The following RPL26L1 variants were observed in gnomAD, a reference collection of about 807,000 sequenced individuals.
RPL26L1 encodes the protein ribosomal protein uL24-like.
In RPL26L1, 8 loss-of-function variants were observed where a neutral mutation model predicts 15.2. The observed-to-expected ratio is 0.53, with a 90% CI of 0.31 to 0.95. The LOEUF is 0.95. RPL26L1 is among the 40% of genes least tolerant of loss of function. The probability of loss-of-function intolerance (pLI) is 0.05; values close to 1 mark genes in which losing one functional copy is unlikely to be tolerated. For synonymous variants in RPL26L1, 51 were observed against 65.9 expected, an observed-to-expected ratio of 0.77 and a Z score of 1.09; for missense variants, 146 against 190.9, an observed-to-expected ratio of 0.76 and a Z score of 1.39.
At chr5:172,967,100 G>A (rs140055459) in intron 2 of RPL26L1, among the ~76,000 whole-genome samples, 3,583 of 151,678 alleles carry the variant, frequency 0.024, 119 homozygotes, top group African/African-American at 0.081. Flanking sequence ...ATGATCCACC[G>A]GCTTTGGCCT....
intron 2 of RPL26L1, among the ~76,000 whole-genome samples, chr5:172,961,450 T>C (rs1263691772): frequency 1.3e-5 from 2 of 152,200 alleles, no homozygotes; most frequent in African/African-American, 2.4e-5. Flanking sequence ...GTTAGATTCT[T>C]GGATTTTCAA....
chr5:172,959,273 C>A (rs962171898), upstream of RPL26L1: 5 of 579,044 alleles, frequency 8.6e-6, no homozygotes, highest in Non-Finnish European at 1.1e-5. Context: ...CCTACACAAG[C>A]AGGCCCTTGT....
At chr5:172,966,476 A>G (rs1217798746) in intron 2 of RPL26L1, among the ~76,000 whole-genome samples, 5 of 151,974 alleles carry the variant, frequency 3.3e-5, no homozygotes, top group Admixed American at 1.3e-4. Context: ...ATCTTTCTTC[A>G]GTCTTGGCCA....
At chr5:172,965,765 A>G (rs908151545) in intron 2 of RPL26L1, among the ~76,000 whole-genome samples, 9 of 151,674 alleles carry the variant, frequency 5.9e-5, no homozygotes, top group Non-Finnish European at 5.9e-5. Context: ...TTCTCATACC[A>G]TCACTCCTTG....
chr5:172,954,871 AAG>A (rs1365786441), upstream of RPL26L1: 1 of 452,262 alleles, frequency 2.2e-6, no homozygotes, highest in East Asian at 7.0e-5. Flanking sequence ...GGTTTCATAT[AAG>A]AGGATTTCTA....
At chr5:172,957,102 G>A (rs1754998701), upstream of RPL26L1, 1 of 443,072 alleles carries the variant, frequency 2.3e-6, no homozygotes, top group Non-Finnish European at 4.6e-6. Context: ...TGGGTGCCAG[G>A]GCTCAAGCAC....
chr5:172,964,281 C>CCTTTTTTTTTTTTTTTTT lies in RPL26L1; in HGVS notation c.169-4178_169-4177insCTTTTTTTTTTTTTTTTT, dbSNP rs1402885653. Among the ~76,000 whole-genome samples the CCTTTTTTTTTTTTTTTTT allele has an allele frequency of 9.2e-3, 908 of 99,222 alleles. 206 individuals are homozygous for CCTTTTTTTTTTTTTTTTT. Among genetic ancestry groups the CCTTTTTTTTTTTTTTTTT allele is most frequent in the Non-Finnish European group, 0.012 (600 of 49,264 alleles). 65.1% of individuals were successfully genotyped at this position (99,222 alleles called of 152,430 possible). A position where few individuals can be genotyped will look rare whatever the true frequency, so the allele number is the denominator to read the frequency against. On this transcript the variant is annotated intron_variant, in intron 2 of 3. Coordinates refer to ENST00000265100, the MANE Select transcript of RPL26L1 (RefSeq NM_016093.4). Reference sequence around the variant, plus strand: ...TGAGCCACAGTGTCTGGCCTGTTGCCTTTTTTTTTTTTTTTTTTTTTGAGA... The same window carrying CCTTTTTTTTTTTTTTTTT: ...TGAGCCACAGTGTCTGGCCTGTTGCCCTTTTTTTTTTTTTTTTTTTTTTTTTTTTTTTTTTTTTTGAGA...
chr5:172,963,777 T>A (rs1414217698), intron 2 of RPL26L1, among the ~76,000 whole-genome samples: 1 of 152,216 alleles, frequency 6.6e-6, no homozygotes, highest in Non-Finnish European at 1.5e-5. Flanking sequence ...TTTTGGCAAA[T>A]GTAAAACCAA....
chr5:172,958,610 C>T (rs888168418), upstream of RPL26L1: 17 of 334,620 alleles, frequency 5.1e-5, no homozygotes, highest in Non-Finnish European at 9.3e-5. Flanking sequence ...GGTTGATCTC[C>T]CTCACAGCTC....
chr5:172,962,844 T>C (rs1350813366), intron 2 of RPL26L1, among the ~76,000 whole-genome samples: 1 of 151,764 alleles, frequency 6.6e-6, no homozygotes, highest in African/African-American at 2.4e-5. Context: ...AAAAAATCCT[T>C]TGGCAGTTTT....
At chr5:172,955,046 G>A, upstream of RPL26L1, 1 of 456,056 alleles carries the variant, frequency 2.2e-6, no homozygotes, top group Non-Finnish European at 4.4e-6. Flanking sequence ...ACTGGTTGGG[G>A]TGGGTGAAAC....
chr5:172,957,709 TCTGACCTTTA>T (rs2113515360), upstream of RPL26L1: 1 of 174,280 alleles, frequency 5.7e-6, no homozygotes, highest in African/African-American at 2.4e-5. Context: ...AAGAAGAACC[TCTGACCTTTA>T]CTGTGTGTGC....
intron 2 of RPL26L1, 57 bp downstream of exon 2, chr5:172,960,098 C>A: frequency 6.3e-7 from 1 of 1,595,336 alleles, no homozygotes; most frequent in Non-Finnish European, 8.6e-7. Flanking sequence ...GAACGTCATG[C>A]GTGGAGCAGT....
upstream of RPL26L1, chr5:172,955,183 C>G (rs1764330244): frequency 3.0e-6 from 1 of 336,352 alleles, no homozygotes; most frequent in Non-Finnish European, 5.5e-6. Flanking sequence ...GGCTGGAGTG[C>G]AATGGCGCGA....
chr5:172,966,203 G>T (rs1263563769), intron 2 of RPL26L1, among the ~76,000 whole-genome samples: 7 of 151,662 alleles, frequency 4.6e-5, no homozygotes, highest in Admixed American at 4.6e-4. Flanking sequence ...GAGTACAGTG[G>T]TGCAAAAACA....
intron 2 of RPL26L1, among the ~76,000 whole-genome samples, chr5:172,964,694 G>T (rs999496068): frequency 4.6e-5 from 7 of 152,222 alleles, no homozygotes; most frequent in Non-Finnish European, 8.8e-5. Flanking sequence ...GATTGGGTTT[G>T]TTAATATTGC....
chr5:172,959,586 C>T, intron 1 of RPL26L1, 118 bp downstream of exon 1: 1 of 1,216,688 alleles, frequency 8.2e-7, no homozygotes, highest in Non-Finnish European at 1.0e-6. Context: ...CTCCCGACCA[C>T]CCATTCCTGC....
chr5:172,969,291 C>A (rs1755593104), intron 3 of RPL26L1, 122 bp from the exon 4 acceptor site: 2 of 996,578 alleles, frequency 2.0e-6, no homozygotes, highest in Non-Finnish European at 1.5e-6. Context: ...GTCTGTTTTC[C>A]TTCCAGAGTT....
At chr5:172,963,591 C>T (rs905030507) in intron 2 of RPL26L1, among the ~76,000 whole-genome samples, 2 of 152,180 alleles carry the variant, frequency 1.3e-5, no homozygotes, top group African/African-American at 2.4e-5. Context: ...ATAGGTAACT[C>T]CTCATTCTTC....
Sources: gnomAD v4.1 joint callset for allele counts (sites outside exome capture counted in the v4.1 genomes callset) on GRCh38, gnomAD v4.1.1 for gene constraint, MANE v1.5 for transcripts, NCBI Gene and HGNC (gene_info 2026-07-23, HGNC 2026-07-21) for gene names.